Variants in PRCC observed in about 807,000 individuals in gnomAD.
PRCC encodes proline-rich protein PRCC.
PRCC carries 10 observed loss-of-function variants against 44.0 expected under a neutral mutation model. The observed-to-expected ratio is 0.23, with a 90% CI of 0.14 to 0.39. The LOEUF (loss-of-function observed/expected upper bound fraction) is 0.39. Among genes scored for constraint, PRCC ranks in the 10% least tolerant of loss-of-function variants. The probability of loss-of-function intolerance (pLI) is 1.00; values close to 1 mark genes in which losing one functional copy is unlikely to be tolerated. For synonymous variants in PRCC, 278 were observed against 259.5 expected, an observed-to-expected ratio of 1.07 and a Z score of -0.69; for missense variants, 573 against 624.7, an observed-to-expected ratio of 0.92 and a Z score of 0.88.
rs1260549132 is a variant in PRCC, at chr1:156,787,288, C to G, written c.1083+114C>G. ...GTCACTTTGGCTAAATTAACCTTCTCTATTTATTAGGCCACAGAACATACC... is the reference window on the plus strand; with the variant it reads ...GTCACTTTGGCTAAATTAACCTTCTGTATTTATTAGGCCACAGAACATACC... On this transcript the variant is annotated intron_variant, in intron 3 of 6. Coordinates refer to ENST00000271526, the MANE Select transcript of PRCC (RefSeq NM_005973.5). The G allele has an allele frequency of 4.2e-6, 5 of 1,196,030 alleles. No individual in the cohort carries two copies. The East Asian group carries it at 7.1e-5, about 17-fold the overall frequency. 74.1% of individuals were successfully genotyped at this position (1,196,030 alleles called of 1,614,324 possible). A position where few individuals can be genotyped will look rare whatever the true frequency, so the allele number is the denominator to read the frequency against.
At chr1:156,790,487 C>G (rs1220896350) in intron 3 of PRCC, among the ~76,000 whole-genome samples, 1 of 152,174 alleles carries the variant, frequency 6.6e-6, no homozygotes, top group Non-Finnish European at 1.5e-5. Context: ...GCTGAGCGTG[C>G]TGGCATGCGC....
chr1:156,794,926 C>A (rs1377868887), intron 5 of PRCC, 118 bp downstream of exon 5: 1 of 1,332,100 alleles, frequency 7.5e-7, no homozygotes, highest in African/African-American at 1.5e-5. Flanking sequence ...TTAGCAAACA[C>A]ATTTTGCCCA....
rs371680888 is a variant in PRCC, at chr1:156,786,909, C to T, written c.818C>T (p.Pro273Leu). 21 of 1,614,228 alleles carry T rather than the reference C, an allele frequency of 1.3e-5. No homozygotes were observed. In the African/African-American group the frequency reaches 1.7e-4, roughly 13 times the overall value. ...GACGACAGTGATGAGGAAGTAGCCC[C>T]CGAAAACTTTTTCTCCCTCCCTGAA... ...EEDDSDEEVA[P>L]ENFFSLPEKA... Residue 273 changes from proline (P) to leucine (L), a missense_variant, in exon 3 of 7, where the codon CCC becomes CTC. Coordinates refer to ENST00000271526, the MANE Select transcript of PRCC (RefSeq NM_005973.5).
In PRCC at chr1:156,787,102, G is replaced by A. The variant is rs747646876; in HGVS notation, c.1011G>A (p.Lys337=). ...AGSSGAPWMP[K]PGDDYSYNQF... ...CAAGTGGGGCCCCTTGGATGCCTAA[G>A]CCTGGGGACGACTACAGCTACAATC... Residue 337 remains lysine (K), a synonymous_variant, in exon 3 of 7, where the codon AAG becomes AAA. Transcript: ENST00000271526. 58 of 1,613,980 alleles carry A rather than the reference G, an allele frequency of 3.6e-5. No homozygotes were observed. The highest frequency in any genetic ancestry group is 1.5e-4 in the Admixed American group (9 of 59,998).
intron 1 of PRCC, among the ~76,000 whole-genome samples, chr1:156,779,124 ATATATTTTTTTTTT>A (rs1425012417): frequency 7.9e-5 from 2 of 25,208 alleles, no homozygotes; most frequent in African/African-American, 1.6e-4. Flanking sequence ...ATATATATAT[ATATATTTTTTTTTT>A]TTTTTTTTTT....
intron 1 of PRCC, among the ~76,000 whole-genome samples, chr1:156,777,868 C>CAAA (rs1651880922): frequency 6.6e-6 from 1 of 152,132 alleles, no homozygotes; most frequent in Admixed American, 6.6e-5. Context: ...AGGGGAAGGA[C>CAAA]TTACATGAAA....
chr1:156,775,009 G>A (rs1190931979), intron 1 of PRCC, among the ~76,000 whole-genome samples: 1 of 151,666 alleles, frequency 6.6e-6, no homozygotes, highest in East Asian at 2.0e-4. Context: ...AGCACTTTGG[G>A]AGGCTGAGGT....
chr1:156,782,303 C>G lies in PRCC; in HGVS notation c.490C>G (p.Pro164Ala), dbSNP rs1280295060. ...TTAGTCAGATTCTGAGGAAGATGAA[C>G]CCACAAAGAAGAAAACTATCCTTCA... ...KGDSDSEEDEPTKKKTILQGS... is the reference protein window; with the variant it reads ...KGDSDSEEDEATKKKTILQGS... Residue 164 changes from proline (P) to alanine (A), a missense_variant, in exon 2 of 7, where the codon CCC (proline) becomes GCC (alanine). By Grantham distance (27) the Pro-to-Ala change is conservative (BLOSUM62 -1). Around this residue, in one of 4 missense-constraint regions of PRCC, gnomAD observed 118 missense variants for 166.7 expected, o/e 0.71. Transcript: ENST00000271526. The G allele has an allele frequency of 6.2e-7, 1 of 1,608,220 alleles. No homozygotes were observed. The highest frequency in any genetic ancestry group is 8.5e-7 in the Non-Finnish European group (1 of 1,175,250).
chr1:156,779,270 T>C (rs904307235), intron 1 of PRCC, among the ~76,000 whole-genome samples: 1 of 147,562 alleles, frequency 6.8e-6, no homozygotes, highest in Non-Finnish European at 1.5e-5. Context: ...TCCTCTCATC[T>C]CAGCCTCCCT....
At position 156,786,981 on chromosome 1, in the gene PRCC, C is replaced by T. The variant is rs779113261; in HGVS notation, c.890C>T (p.Thr297Ile). Residue 297 changes from threonine to isoleucine, a missense_variant, in exon 3 of 7, where the codon ACT becomes ATT. Around this residue, in one of 4 missense-constraint regions of PRCC, gnomAD observed 141 missense variants for 130.2 expected, o/e 1.08. Transcript: ENST00000271526. ...GAGCCATACCCTTACCCCATCCCCA[C>T]TGTCCCTGAAGAGCTGCCTCCAGGC... The part of the protein sequence containing the change: ...GVEPYPYPIP[T>I]VPEELPPGTE... The T allele has an allele frequency of 2.5e-6, 4 of 1,614,254 alleles. No individual in the cohort carries two copies. The highest frequency in any genetic ancestry group is 1.1e-5 in the South Asian group (1 of 91,086).
At chr1:156,784,502 C>T (rs1652162834) in intron 2 of PRCC, among the ~76,000 whole-genome samples, 1 of 152,178 alleles carries the variant, frequency 6.6e-6, no homozygotes. Context: ...GCCATGACCC[C>T]AGATATGTGA....
chr1:156,791,021 A>G, intron 3 of PRCC: 2 of 1,177,110 alleles, frequency 1.7e-6, no homozygotes, highest in East Asian at 3.8e-5. Context: ...GCCTGACTTC[A>G]CCAAGCAGAG....
intron 3 of PRCC, among the ~76,000 whole-genome samples, chr1:156,788,364 G>T (rs61360208): frequency 0.033 from 5,084 of 152,200 alleles, 283 homozygotes; most frequent in African/African-American, 0.12. Flanking sequence ...AGTATTCCAT[G>T]GTATATATGT....
intron 1 of PRCC, among the ~76,000 whole-genome samples, chr1:156,769,744 C>A (rs894310429): frequency 3.3e-5 from 5 of 152,098 alleles, no homozygotes; most frequent in African/African-American, 4.8e-5. Flanking sequence ...GGACTACAGG[C>A]GCCCGCCGCC....
At chr1:156,793,156 C>T (rs1283913110) in intron 4 of PRCC, among the ~76,000 whole-genome samples, 1 of 152,196 alleles carries the variant, frequency 6.6e-6, no homozygotes, top group African/African-American at 2.4e-5. Context: ...CCTTTGCATA[C>T]TTCTGCCTGT....
intron 5 of PRCC, chr1:156,796,994 CA>C (rs937559724): frequency 1.9e-5 from 7 of 363,570 alleles, no homozygotes; most frequent in Non-Finnish European, 3.1e-5. Flanking sequence ...GTGGGATTAC[CA>C]AAGACGCAGA....
intron 2 of PRCC, among the ~76,000 whole-genome samples, chr1:156,784,199 G>A (rs1014652362): frequency 1.3e-5 from 2 of 152,020 alleles, no homozygotes; most frequent in Non-Finnish European, 2.9e-5. Flanking sequence ...TGCCCATCTC[G>A]GCCTCCCAAA....
chr1:156,774,270 G>A (rs1296062322), intron 1 of PRCC, among the ~76,000 whole-genome samples: 6 of 136,432 alleles, frequency 4.4e-5, no homozygotes, highest in Non-Finnish European at 6.1e-5. Context: ...CCGCCTCCCG[G>A]GTTCAAGCAA....
rs760179734 is a variant in PRCC, at chr1:156,787,164, CTTA to C, written c.1078_1080del (p.Tyr360del). 5 of 1,601,314 alleles carry C rather than the reference CTTA, an allele frequency of 3.1e-6. No individual in the cohort carries two copies. Among genetic ancestry groups the C allele is most frequent in the Non-Finnish European group, 4.3e-6 (5 of 1,170,526 alleles). On this transcript the variant is annotated inframe_deletion, in exon 3 of 7. Transcript: ENST00000271526. ...TATGGCGATGCCAATGCCGCTGGTG[CTTA>C]TTATCAGGTGGGTAGGAGGCACAGA...
Sources: allele counts gnomAD v4.1 joint callset (sites outside exome capture counted in the v4.1 genomes callset), GRCh38; gene constraint gnomAD v4.1.1; regional missense constraint gnomAD v4.1.1; transcripts MANE v1.5; gene names NCBI Gene and HGNC (gene_info 2026-07-23, HGNC 2026-07-21).